The following GJB1 variants were observed in gnomAD, a reference collection of about 807,000 sequenced individuals.
GJB1 encodes gap junction beta-1 protein.
GJB1 carries 1 observed loss-of-function variant against 12.0 expected under a neutral mutation model. The ratio of observed to expected loss-of-function variants is 0.08; its 90% CI spans 0.03 to 0.40. The LOEUF is 0.40. Ranked by LOEUF, GJB1 falls within the 10% of genes least tolerant of loss-of-function variation. The pLI, the probability that GJB1 is intolerant of heterozygous loss-of-function variation, is 0.98. For synonymous variants in GJB1, 114 were observed against 102.8 expected, an observed-to-expected ratio of 1.11 and a Z score of -0.66; for missense variants, 140 against 250.3, an observed-to-expected ratio of 0.56 and a Z score of 2.97.
upstream of GJB1, among the ~76,000 whole-genome samples, chrX:71,220,885 CTTTCCTTT>C (rs2092536230): frequency 3.0e-5 from 2 of 66,520 alleles, no homozygotes; most frequent in Non-Finnish European, 5.1e-5. Flanking sequence ...TTCTTTGTTT[CTTTCCTTT>C]TTTTTTTTTT....
chrX:71,216,403 CTTACCACCT>C (rs1412338194), intron 1 of GJB1, among the ~76,000 whole-genome samples: 1 of 110,723 alleles, frequency 9.0e-6, no homozygotes, highest in Admixed American at 9.8e-5. Flanking sequence ...CCAGCACTTG[CTTACCACCT>C]GTGTAGTAAG....
Position 71,217,315 on chromosome X carries a change from G to A in GJB1, c.-17+2044G>A, listed in dbSNP as rs142166813. On this transcript the variant is annotated intron_variant, in intron 1 of 1. Coordinates refer to the GJB1 transcript ENST00000374029. Reference sequence around the variant, plus strand: ...ACCATTTAGCAGCAGTGCAATTGCCGTTGAGGCAAGTTTCTTAACCTCTCT... The same window carrying A: ...ACCATTTAGCAGCAGTGCAATTGCCATTGAGGCAAGTTTCTTAACCTCTCT... Among the ~76,000 whole-genome samples, 6 of 112,264 alleles carry A rather than the reference G, an allele frequency of 5.3e-5. No individual in the cohort carries two copies. The East Asian group carries it at 8.4e-4, about 16-fold the overall frequency.
upstream of GJB1, among the ~76,000 whole-genome samples, chrX:71,222,421 G>A (rs775468942): frequency 1.7e-4 from 19 of 108,942 alleles, no homozygotes; most frequent in Admixed American, 3.0e-4. Flanking sequence ...TGTATTTTTA[G>A]TAGAGATGGG....
In GJB1 at chrX:71,224,313, C is replaced by T. The variant is rs1323117815; in HGVS notation, c.606C>T (p.Ile202=). ...VFMLAASGIC[I]ILNVAEVVYL... Reference sequence around the variant, plus strand: ...TGCTAGCTGCCTCTGGCATCTGCATCATCCTCAATGTGGCCGAGGTGGTGT... The same window carrying T: ...TGCTAGCTGCCTCTGGCATCTGCATTATCCTCAATGTGGCCGAGGTGGTGT... Residue 202 remains isoleucine, a synonymous_variant, in exon 2 of 2, where the codon ATC becomes ATT. Transcript: ENST00000361726. 6.0e-5 allele frequency: 72 copies of T among 1,209,622 alleles called. No homozygotes were observed. The highest frequency in any genetic ancestry group is 8.0e-5 in the Non-Finnish European group (72 of 895,295).
chrX:71,218,881 G>A (rs1203301361), upstream of GJB1, among the ~76,000 whole-genome samples: 1 of 104,184 alleles, frequency 9.6e-6, no homozygotes, highest in African/African-American at 3.5e-5. Flanking sequence ...GCTAGACTCC[G>A]TCTCAAAAAA....
At chrX:71,216,162 C>T (rs181415714) in intron 1 of GJB1, among the ~76,000 whole-genome samples, 6 of 111,228 alleles carry the variant, frequency 5.4e-5, no homozygotes, top group East Asian at 5.7e-4. Context: ...TGAGCCACCA[C>T]GCCCGGCCGG....
Position 71,224,011 on chromosome X carries a change from G to A in GJB1, c.304G>A (p.Glu102Lys). 2 of 1,203,939 alleles carry A rather than the reference G, an allele frequency of 1.7e-6. No homozygotes were observed. Among genetic ancestry groups the A allele is most frequent in the South Asian group, 1.8e-5 (1 of 55,600 alleles). The change falls in exon 2 of 2, where the codon GAG becomes AAG. Residue 102 changes from glutamate to lysine, a missense_variant. Glu to Lys is a moderately conservative substitution (Grantham distance 56). Transcript: ENST00000361726. ...GCACGTGGCTCACCAGCAACACATA[G>A]AGAAGAAAATGCTACGGCTTGAGGG... is the stretch of plus-strand genomic sequence containing the variant. ...AMHVAHQQHI[E>K]KKMLRLEGHG...
chrX:71,222,106 C>G (rs997536689), upstream of GJB1, among the ~76,000 whole-genome samples: 1 of 111,037 alleles, frequency 9.0e-6, no homozygotes, highest in African/African-American at 3.3e-5. Flanking sequence ...TGTGCCACTG[C>G]ACTCTAGCCT....
upstream of GJB1, among the ~76,000 whole-genome samples, chrX:71,222,197 G>A (rs769692871): frequency 1.3e-3 from 143 of 110,202 alleles, no homozygotes; most frequent in Non-Finnish European, 2.0e-3. Context: ...GAGATCTTGG[G>A]TTTGACAGAC....
intron 1 of GJB1, among the ~76,000 whole-genome samples, chrX:71,217,180 A>G (rs1467749128): frequency 9.1e-6 from 1 of 109,819 alleles, no homozygotes; most frequent in Admixed American, 9.8e-5. Context: ...AGGTTTTTGA[A>G]TAGTAGGCCT....
At position 71,223,815 on chromosome X, in the gene GJB1, G is replaced by C. The variant is rs149350998; in HGVS notation, c.108G>C (p.Leu36=). Residue 36 remains leucine (L), a synonymous_variant, in exon 2 of 2, where the codon CTG becomes CTC. Transcript: ENST00000361726. ...SVIFIFRIMV[L]VVAAESVWGD... ...TCTTCATCTTCAGAATCATGGTGCT[G>C]GTGGTGGCTGCAGAGAGTGTGTGGG... 1.4e-5 allele frequency: 17 copies of C among 1,209,673 alleles called. No individual in the cohort carries two copies. Among genetic ancestry groups the C allele is most frequent in the Non-Finnish European group, 1.8e-5 (16 of 895,021 alleles).
At position 71,224,217 on chromosome X, in the gene GJB1, C is replaced by G. The variant is rs758610223; in HGVS notation, c.510C>G (p.Val170=). 1.7e-6 allele frequency: 2 copies of G among 1,207,478 alleles called. No homozygotes were observed. The highest frequency in any genetic ancestry group is 4.4e-5 in the Admixed American group (2 of 45,848). The change falls in exon 2 of 2, where the codon GTC becomes GTG. Residue 170 remains valine (V), a synonymous_variant. Transcript: ENST00000361726. ...YAMVRLVKCD[V]YPCPNTVDCF... ...TGGTGCGGCTGGTCAAGTGCGACGTCTACCCCTGCCCCAACACAGTGGACT... is the reference window on the plus strand; with the variant it reads ...TGGTGCGGCTGGTCAAGTGCGACGTGTACCCCTGCCCCAACACAGTGGACT...
chrX:71,224,026 C>T lies in GJB1; in HGVS notation c.319C>T (p.Arg107Trp), dbSNP rs863224973. ...GCAACACATAGAGAAGAAAATGCTA[C>T]GGCTTGAGGGCCATGGGGACCCCCT... The part of the protein sequence containing the change: ...HQQHIEKKML[R>W]LEGHGDPLHL... Residue 107 changes from arginine to tryptophan, a missense_variant, in exon 2 of 2, where the codon CGG becomes TGG. Transcript: ENST00000361726. The T allele has an allele frequency of 3.3e-6, 4 of 1,199,193 alleles. No individual in the cohort carries two copies. The highest frequency in any genetic ancestry group is 4.5e-6 in the Non-Finnish European group (4 of 889,015).
At chrX:71,215,965 G>A (rs1255564287) in intron 1 of GJB1, among the ~76,000 whole-genome samples, 3 of 108,492 alleles carry the variant, frequency 2.8e-5, no homozygotes, top group Non-Finnish European at 3.8e-5. Context: ...TCTGCCTCCC[G>A]GGTTCAAGCG....
chrX:71,224,767 G>C lies in GJB1; in HGVS notation c.*208G>C. On this transcript the variant is annotated 3_prime_UTR_variant, in exon 2 of 2. Coordinates refer to ENST00000361726, the MANE Select transcript of GJB1 (RefSeq NM_000166.6). Reference sequence around the variant, plus strand: ...GAGGCCACCTATGCCAGTGCTCAAGGTTACTGGGAGTGTGGGCTGCCCTTG... The same window carrying C: ...GAGGCCACCTATGCCAGTGCTCAAGCTTACTGGGAGTGTGGGCTGCCCTTG... 4.3e-6 allele frequency: 2 copies of C among 460,260 alleles called. No individual in the cohort carries two copies. The highest frequency in any genetic ancestry group is 6.5e-5 in the South Asian group (2 of 30,779). 37.9% of individuals were successfully genotyped at this position (460,260 alleles called of 1,213,427 possible).
In GJB1 at chrX:71,223,933, C is replaced by T; in HGVS notation, c.226C>T (p.Leu76=). Residue 76 remains leucine (L), a synonymous_variant, in exon 2 of 2, where the codon CTG becomes TTG. Transcript: ENST00000361726. The part of the protein sequence containing the change: ...DQFFPISHVR[L]WSLQLILVST... ...ATTCTTCCCCATCTCCCATGTGCGG[C>T]TGTGGTCCCTGCAGCTCATCCTAGT... The T allele has an allele frequency of 8.3e-7, 1 of 1,206,106 alleles. No individual in the cohort carries two copies. The highest frequency in any genetic ancestry group is 1.1e-6 in the Non-Finnish European group (1 of 892,416).
At chrX:71,217,139 T>TGTGTGTGTGTGTGTGC (rs1491575067) in intron 1 of GJB1, among the ~76,000 whole-genome samples, 2 of 106,649 alleles carry the variant, frequency 1.9e-5, no homozygotes, top group African/African-American at 6.9e-5. Context: ...TGTGTGTGTG[T>TGTGTGTGTGTGTGTGC]GCGTGTGCCA....
upstream of GJB1, among the ~76,000 whole-genome samples, chrX:71,218,352 A>T (rs1302319532): frequency 9.1e-6 from 1 of 109,305 alleles, no homozygotes; most frequent in Non-Finnish European, 1.9e-5. Context: ...GCTAAAAGAA[A>T]ATAAGACATA....
rs2092541943 is a variant in GJB1 at position 71,223,725 on chromosome X, G to C, written c.18G>C (p.Leu6Phe). The change falls in exon 2 of 2, where the codon TTG becomes TTC. Residue 6 changes from leucine (L) to phenylalanine (F), a missense_variant. By Grantham distance (22) the Leu-to-Phe change is conservative. Around this residue, in one of 4 missense-constraint regions of GJB1, gnomAD observed 16 missense variants for 50.0 expected, o/e 0.32. Coordinates refer to ENST00000361726, the MANE Select transcript of GJB1 (RefSeq NM_000166.6). ...GAGGCAGGATGAACTGGACAGGTTT[G>C]TACACCTTGCTCAGTGGCGTGAACC... MNWTG[L>F]YTLLSGVNRH... 2 of 1,208,733 alleles carry C rather than the reference G, an allele frequency of 1.7e-6. No homozygotes were observed. The highest frequency in any genetic ancestry group is 4.4e-5 in the Admixed American group (2 of 45,669).
Sources: allele counts gnomAD v4.1 joint callset (sites outside exome capture counted in the v4.1 genomes callset), GRCh38; gene constraint gnomAD v4.1.1; regional missense constraint gnomAD v4.1.1; transcripts MANE v1.5; gene names NCBI Gene and HGNC (gene_info 2026-07-23, HGNC 2026-07-21).